The following FMN2 variants were observed in gnomAD, a reference collection of about 807,000 sequenced individuals.
The protein encoded by FMN2 is formin 2.
Under a neutral mutation model 142.3 loss-of-function variants are expected in FMN2, and 51 were observed. The ratio of observed to expected loss-of-function variants is 0.36; its 90% CI spans 0.29 to 0.45. The LOEUF (loss-of-function observed/expected upper bound fraction) is 0.45. FMN2 is among the 20% of genes least tolerant of loss of function. FMN2 has a pLI of 1.00. For missense variants in FMN2, 1,936 were observed against 2,122.8 expected (o/e 0.91, Z 1.73); for synonymous variants, 882 against 869.8 (o/e 1.01, Z -0.25).
intron 8 of FMN2, among the ~76,000 whole-genome samples, chr1:240,321,033 T>C (rs1670954785): frequency 6.6e-6 from 1 of 152,352 alleles, no homozygotes; most frequent in South Asian, 2.1e-4. Context: ...CTATTTAATA[T>C]GTGTCTGAAT....
intron 6 of FMN2, among the ~76,000 whole-genome samples, chr1:240,212,959 T>G (rs1338602296): frequency 6.6e-6 from 1 of 152,106 alleles, no homozygotes; most frequent in Non-Finnish European, 1.5e-5. Context: ...GTTTGTTTGT[T>G]TTTGTTTGTT....
intron 8 of FMN2, among the ~76,000 whole-genome samples, chr1:240,326,113 G>A (rs962612979): frequency 1.3e-5 from 2 of 152,146 alleles, no homozygotes; most frequent in Non-Finnish European, 2.9e-5. Flanking sequence ...GTGTACACAT[G>A]TATGTATATA....
chr1:240,429,700 CTT>C (rs1392012865), intron 15 of FMN2, among the ~76,000 whole-genome samples: 1 of 152,012 alleles, frequency 6.6e-6, no homozygotes, highest in Admixed American at 6.6e-5. Flanking sequence ...GCTTTTGTCA[CTT>C]ATTTTTTTAG....
rs762230752 is a variant in FMN2 at position 240,092,102 on chromosome 1, A to T, written c.-8A>T. On this transcript the variant is annotated 5_prime_UTR_variant, in exon 1 of 18. Coordinates refer to ENST00000319653, the MANE Select transcript of FMN2 (RefSeq NM_020066.5). Reference sequence around the variant, plus strand: ...CGCGGCGCGGCGGCGCAGCAGCGGGATTGCACCATGGGGAACCAGGATGGG... The same window carrying T: ...CGCGGCGCGGCGGCGCAGCAGCGGGTTTGCACCATGGGGAACCAGGATGGG... 6.5e-7 allele frequency: 1 copy of T among 1,546,588 alleles called. No homozygotes were observed. Among genetic ancestry groups the T allele is most frequent in the South Asian group, 1.2e-5 (1 of 83,636 alleles).
rs181632087 is a variant in FMN2 at position 240,256,536 on chromosome 1, C to T, written c.4066-1409C>T. On this transcript the variant is annotated intron_variant, in intron 6 of 17. Coordinates refer to ENST00000319653, the MANE Select transcript of FMN2 (RefSeq NM_020066.5). Reference sequence around the variant, plus strand: ...GGTGGATCACCTGAGGTCAGGAGTTCGAGACCTTCCTGGCCAACATGGTGA... The same window carrying T: ...GGTGGATCACCTGAGGTCAGGAGTTTGAGACCTTCCTGGCCAACATGGTGA... Among the ~76,000 whole-genome samples the T allele has an allele frequency of 4.5e-3, 657 of 146,482 alleles. 1 individual carries two copies. The highest frequency in any genetic ancestry group is 7.7e-3 in the South Asian group (36 of 4,660).
rs1407283928 is a variant in FMN2, at chr1:240,448,929, GC to G, written c.5060+10721del. Among the ~76,000 whole-genome samples, 185 of 152,216 alleles carry G rather than the reference GC, an allele frequency of 1.2e-3. 1 individual carries two copies. The highest frequency in any genetic ancestry group is 1.1e-3 in the Non-Finnish European group (73 of 68,012). ...GGGCCAAGGCGGGTGGATGGCTGGA[GC>G]CTAGGAGTTGAGACCAGCCTGGGCA... On this transcript the variant is annotated intron_variant, in intron 16 of 17. Coordinates refer to ENST00000319653, the MANE Select transcript of FMN2 (RefSeq NM_020066.5).
chr1:240,343,842 C>A (rs929922607), intron 13 of FMN2, among the ~76,000 whole-genome samples: 2 of 152,004 alleles, frequency 1.3e-5, no homozygotes. Context: ...CATAGACAGG[C>A]AGGAAGATTC....
intron 13 of FMN2, among the ~76,000 whole-genome samples, chr1:240,342,997 G>T (rs1671791252): frequency 6.6e-6 from 1 of 152,052 alleles, no homozygotes. Flanking sequence ...TTCAAGCATG[G>T]GAAAGAGCAT....
intron 15 of FMN2, among the ~76,000 whole-genome samples, chr1:240,401,590 T>C (rs1307635397): frequency 6.6e-6 from 1 of 152,222 alleles, no homozygotes; most frequent in Non-Finnish European, 1.5e-5. Flanking sequence ...CACTGACAAA[T>C]TGGTGACAAA....
intron 14 of FMN2, among the ~76,000 whole-genome samples, chr1:240,362,904 C>T (rs1672540817): frequency 1.3e-5 from 2 of 152,170 alleles, no homozygotes; most frequent in South Asian, 2.1e-4. Flanking sequence ...CTACCCGCCT[C>T]CCCGCTTTTC....
At chr1:240,455,009 C>T (rs537974651) in intron 16 of FMN2, among the ~76,000 whole-genome samples, 2 of 150,392 alleles carry the variant, frequency 1.3e-5, no homozygotes, top group Non-Finnish European at 3.0e-5. Flanking sequence ...TTGGCTCCTA[C>T]GTTTAAAAGC....
chr1:240,313,162 C>T (rs184532288), intron 8 of FMN2, among the ~76,000 whole-genome samples: 3 of 152,300 alleles, frequency 2.0e-5, no homozygotes, highest in East Asian at 3.9e-4. Flanking sequence ...GTCTACAAAA[C>T]GATGAGTCGT....
chr1:240,361,141 G>GTATATATATATATATATATA (rs202070560), intron 14 of FMN2, among the ~76,000 whole-genome samples: 6 of 43,242 alleles, frequency 1.4e-4, no homozygotes, highest in Admixed American at 3.1e-4. Context: ...AAATATATGT[G>GTATATATATATATATATATA]TATATATATA....
chr1:240,407,019 C>T (rs1434958292), intron 15 of FMN2, among the ~76,000 whole-genome samples: 3 of 152,170 alleles, frequency 2.0e-5, no homozygotes, highest in Non-Finnish European at 4.4e-5. Context: ...CTCCGGCATG[C>T]ATCACATGTG....
At chr1:240,401,037 A>T (rs1211422673) in intron 15 of FMN2, 1 of 152,082 alleles carries the variant, frequency 6.6e-6, no homozygotes, top group Non-Finnish European at 1.5e-5. Context: ...AGGCAGAAGA[A>T]TCGCTTGAAC....
chr1:240,180,786 C>G (rs984708144), intron 3 of FMN2, among the ~76,000 whole-genome samples: 1 of 151,716 alleles, frequency 6.6e-6, no homozygotes, highest in Non-Finnish European at 1.5e-5. Flanking sequence ...AAGCTGCTCT[C>G]GAATTCCTGA....
chr1:240,144,306 A>T, intron 2 of FMN2: 1 of 1,607,454 alleles, frequency 6.2e-7, no homozygotes, highest in Non-Finnish European at 8.5e-7. Flanking sequence ...CTGCCCCCAA[A>T]CCTGTTGTTC....
intron 16 of FMN2, among the ~76,000 whole-genome samples, chr1:240,463,188 G>A (rs1676503779): frequency 6.9e-6 from 1 of 145,832 alleles, no homozygotes; most frequent in Admixed American, 6.8e-5. Context: ...ATGGAGGCCA[G>A]TCTGCAGGGT....
At chr1:240,432,572 T>C (rs74799757) in intron 15 of FMN2, among the ~76,000 whole-genome samples, 5,161 of 152,090 alleles carry the variant, frequency 0.034, 272 homozygotes, top group African/African-American at 0.12. Flanking sequence ...TTCTTGAGTT[T>C]GATGTCTAAA....
Sources: allele counts gnomAD v4.1 joint callset (sites outside exome capture counted in the v4.1 genomes callset), GRCh38; gene constraint gnomAD v4.1.1; transcripts MANE v1.5; gene names NCBI Gene and HGNC (gene_info 2026-07-23, HGNC 2026-07-21).